EEA1: variants seen among roughly 807,000 people sequenced by gnomAD.
EEA1 encodes the protein early endosome antigen 1.
A neutral mutation model predicts 209.2 loss-of-function variants in EEA1; 111 were observed. The observed-to-expected ratio is 0.53, with a 90% confidence interval of 0.45 to 0.62. The LOEUF (loss-of-function observed/expected upper bound fraction) is 0.62. Among genes scored for constraint, EEA1 ranks in the 20% least tolerant of loss-of-function variants. EEA1 has a pLI of 0.00. For synonymous variants in EEA1, 536 were observed against 540.6 expected (o/e 0.99, Z 0.12); for missense variants, 1,343 against 1,530.8 (o/e 0.88, Z 2.05).
At chr12:92,916,019 C>T (rs1156323389) in intron 1 of EEA1, among the ~76,000 whole-genome samples, 1 of 152,052 alleles carries the variant, frequency 6.6e-6, no homozygotes, top group African/African-American at 2.4e-5. Context: ...ATTGAGTTTA[C>T]ATATATCATA....
intron 13 of EEA1, among the ~76,000 whole-genome samples, chr12:92,821,899 A>T (rs969684527): frequency 6.7e-6 from 1 of 149,998 alleles, no homozygotes; most frequent in Non-Finnish European, 1.5e-5. Context: ...ATAAACTCGA[A>T]TTTAACAAAA....
intron 10 of EEA1, among the ~76,000 whole-genome samples, chr12:92,833,756 CA>C (rs1182912615): frequency 1.3e-5 from 2 of 152,084 alleles, no homozygotes; most frequent in Non-Finnish European, 1.5e-5. Flanking sequence ...ATGCTTTAAA[CA>C]AAATATACTC....
At position 92,774,490 on chromosome 12, in the gene EEA1, A is replaced by C. The variant is rs1378320870; in HGVS notation, c.*1521T>G. 2.0e-5 allele frequency: 3 copies of C among 151,664 alleles called. No individual in the cohort carries two copies. Among genetic ancestry groups the C allele is most frequent in the Non-Finnish European group, 4.4e-5 (3 of 67,616 alleles). 9.4% of individuals were successfully genotyped at this position (151,664 alleles called of 1,614,324 possible). On this transcript the variant is annotated 3_prime_UTR_variant, in exon 29 of 29. Coordinates refer to ENST00000322349, the MANE Select transcript of EEA1 (RefSeq NM_003566.4). ...TACTGTTATAAAATGATTGCACTGAATGAATGTATAACTACACTTCTTCTC... is the reference window on the plus strand; with the variant it reads ...TACTGTTATAAAATGATTGCACTGACTGAATGTATAACTACACTTCTTCTC...
At chr12:92,879,195 T>G in intron 2 of EEA1, 1 of 309,144 alleles carries the variant, frequency 3.2e-6, no homozygotes. Flanking sequence ...CACTTTTGGA[T>G]TCTGGATTTT....
At position 92,891,667 on chromosome 12, in the gene EEA1, T is replaced by C. The variant is rs1454196807; in HGVS notation, c.79A>G (p.Ile27Val). ...GSDLDSSATP[I>V]NTVDVNNESS... Reference sequence around the variant, plus strand: ...TCATTATTGACGTCCACTGTGTTTATAGGAGTTGCTGATGAATCTAAATCA... The same window carrying C: ...TCATTATTGACGTCCACTGTGTTTACAGGAGTTGCTGATGAATCTAAATCA... Residue 27 changes from isoleucine to valine, a missense_variant, in exon 2 of 29, where the codon ATA becomes GTA. Around this residue, in one of 3 missense-constraint regions of EEA1, gnomAD observed 1,307 missense variants for 1,465.5 expected, o/e 0.89. Transcript: ENST00000322349. The C allele has an allele frequency of 7.4e-6, 12 of 1,611,606 alleles. No individual in the cohort carries two copies. In the East Asian group the frequency reaches 1.1e-4, roughly 15 times the overall value.
Position 92,887,927 on chromosome 12 carries a change from A to G in EEA1, c.117+3702T>C, listed in dbSNP as rs139588354. Reference sequence around the variant, plus strand: ...CACATTGGTGTGTACAGAAAGCCCAATGAGTCTCAAGCAGGATTAAACACA... The same window carrying G: ...CACATTGGTGTGTACAGAAAGCCCAGTGAGTCTCAAGCAGGATTAAACACA... On this transcript the variant is annotated intron_variant, in intron 2 of 28. Coordinates refer to ENST00000322349, the MANE Select transcript of EEA1 (RefSeq NM_003566.4). Among the ~76,000 whole-genome samples, 494 of 152,214 alleles carry G rather than the reference A, an allele frequency of 3.2e-3. 5 individuals are homozygous for G. Among genetic ancestry groups the G allele is most frequent in the Admixed American group, 8.8e-3 (134 of 15,290 alleles).
chr12:92,885,904 G>A (rs180771792), intron 2 of EEA1, among the ~76,000 whole-genome samples: 19 of 152,094 alleles, frequency 1.2e-4, no homozygotes, highest in African/African-American at 3.1e-4. Context: ...CAAGAACATC[G>A]ACATAGCCCA....
intron 3 of EEA1, among the ~76,000 whole-genome samples, chr12:92,860,562 T>A (rs571531009): frequency 6.6e-6 from 1 of 152,132 alleles, no homozygotes; most frequent in Admixed American, 6.5e-5. Flanking sequence ...CTCAATACCA[T>A]GATTACCATG....
rs752739681 is a variant in EEA1, at chr12:92,929,078, C to A, written c.-12G>T. The A allele has an allele frequency of 1.9e-6, 3 of 1,589,450 alleles. No homozygotes were observed. Among genetic ancestry groups the A allele is most frequent in the Non-Finnish European group, 2.6e-6 (3 of 1,168,844 alleles). On this transcript the variant is annotated 5_prime_UTR_variant, in exon 1 of 29. Transcript: ENST00000322349. ...ATCCTCCTTAACATGGTTTAACCAC[C>A]ACCCGGCGCCGCCGCGGTGACTCTC...
chr12:92,824,634 G>A (rs972567942), intron 13 of EEA1, among the ~76,000 whole-genome samples: 3 of 152,094 alleles, frequency 2.0e-5, no homozygotes, highest in Non-Finnish European at 4.4e-5. Context: ...CTGAATCACA[G>A]GCTCCTCCTT....
chr12:92,859,356 C>T (rs1342502195), intron 3 of EEA1: 2 of 809,030 alleles, frequency 2.5e-6, no homozygotes, highest in Non-Finnish European at 4.0e-6. Flanking sequence ...GGCCTTCCTT[C>T]CTAAATTTTC....
rs1873521579 is a variant in EEA1 at position 92,773,613 on chromosome 12, A to G, written c.*2398T>C. ...TTTGGAATTTACTAACATTATGTCA[A>G]TGTGCTTTTCATTAAAGCCAAGAGC... On this transcript the variant is annotated 3_prime_UTR_variant, in exon 29 of 29. Coordinates refer to ENST00000322349, the MANE Select transcript of EEA1 (RefSeq NM_003566.4). 6.6e-6 allele frequency: 1 copy of G among 151,782 alleles called. No individual in the cohort carries two copies. The highest frequency in any genetic ancestry group is 1.5e-5 in the Non-Finnish European group (1 of 67,674). The allele number at this position is 151,782 out of a possible 1,614,324, so 9.4% of individuals were successfully genotyped here.
intron 1 of EEA1, among the ~76,000 whole-genome samples, chr12:92,900,129 A>G (rs1324856223): frequency 6.6e-6 from 1 of 152,202 alleles, no homozygotes; most frequent in East Asian, 1.9e-4. Context: ...TCACAACAAA[A>G]GGGACCAAAA....
At chr12:92,835,618 G>GGC (rs1876894918) in intron 10 of EEA1, among the ~76,000 whole-genome samples, 2 of 150,648 alleles carry the variant, frequency 1.3e-5, no homozygotes, top group Non-Finnish European at 3.0e-5. Flanking sequence ...TCACCATGTT[G>GGC]GCCAAGCTGG....
At position 92,802,716 on chromosome 12, in the gene EEA1, C is replaced by T; in HGVS notation, c.2358G>A (p.Leu786=). Residue 786 remains leucine, a synonymous_variant, in exon 19 of 29, where the codon TTG becomes TTA. Coordinates refer to ENST00000322349, the MANE Select transcript of EEA1 (RefSeq NM_003566.4). ...GGGCTTCAGATTTTTTCTGTAGATC[C>T]AATCTTGTACTGGATACTCTAAATA... The part of the protein sequence containing the change: ...MEKEIVSSTR[L]DLQKKSEALE... The T allele has an allele frequency of 6.3e-7, 1 of 1,589,790 alleles. No homozygotes were observed. Among genetic ancestry groups the T allele is most frequent in the Non-Finnish European group, 8.5e-7 (1 of 1,173,298 alleles).
intron 1 of EEA1, among the ~76,000 whole-genome samples, chr12:92,911,738 G>A (rs1219211315): frequency 3.3e-5 from 5 of 152,192 alleles, no homozygotes; most frequent in Non-Finnish European, 7.3e-5. Flanking sequence ...GTAGGGGCAG[G>A]AAGTACATGG....
intron 2 of EEA1, among the ~76,000 whole-genome samples, chr12:92,874,185 G>A (rs886150576): frequency 2.0e-5 from 3 of 151,958 alleles, no homozygotes; most frequent in African/African-American, 4.8e-5. Context: ...GCCAGGCATG[G>A]TGGCATGCAC....
intron 13 of EEA1, among the ~76,000 whole-genome samples, chr12:92,825,719 C>T (rs1876265057): frequency 6.6e-6 from 1 of 151,716 alleles, no homozygotes; most frequent in African/African-American, 2.4e-5. Context: ...TTCTTCTTTA[C>T]TGGGCTAATG....
At chr12:92,907,966 C>CCAAA (rs569016771) in intron 1 of EEA1, among the ~76,000 whole-genome samples, 2 of 151,976 alleles carry the variant, frequency 1.3e-5, no homozygotes, top group East Asian at 1.9e-4. Flanking sequence ...GAGACTGTCT[C>CCAAA]CAAACAAACA....
Sources: gnomAD v4.1 joint callset for allele counts (sites outside exome capture counted in the v4.1 genomes callset) on GRCh38, gnomAD v4.1.1 for gene constraint, gnomAD v4.1.1 regional missense constraint, MANE v1.5 for transcripts, NCBI Gene and HGNC (gene_info 2026-07-23, HGNC 2026-07-21) for gene names.